The following RPE65 variants were observed in gnomAD, a reference collection of about 807,000 sequenced individuals.
RPE65 encodes the protein retinoid isomerohydrolase RPE65, also known as retinoid isomerohydrolase.
In RPE65, 58 loss-of-function variants were observed where a neutral mutation model predicts 68.5. That is an observed-to-expected ratio of 0.85 (90% CI 0.69 to 1.05). The LOEUF (loss-of-function observed/expected upper bound fraction) is 1.05, where lower values mean the gene tolerates loss of function less well. Among genes scored for constraint, RPE65 ranks in the 50% least tolerant of loss-of-function variants. The pLI is 0.00. For synonymous variants in RPE65, 220 were observed against 222.2 expected (o/e 0.99, Z 0.09); for missense variants, 643 against 629.9 (o/e 1.02, Z -0.22).
At chr1:68,444,253 A>G (rs1178758271) in intron 5 of RPE65, among the ~76,000 whole-genome samples, 1 of 152,228 alleles carries the variant, frequency 6.6e-6, no homozygotes, top group Admixed American at 6.5e-5. Context: ...AGAGATGAAG[A>G]AACAATGTTT....
At chr1:68,430,023 C>T in intron 13 of RPE65, 96 bp from the exon 14 acceptor site, 2 of 1,492,460 alleles carry the variant, frequency 1.3e-6, no homozygotes, top group Non-Finnish European at 1.8e-6. Context: ...ATTACATTGA[C>T]AAATATAGAA....
At chr1:68,436,806 A>G (rs999699853) in intron 10 of RPE65, among the ~76,000 whole-genome samples, 1 of 152,114 alleles carries the variant, frequency 6.6e-6, no homozygotes, top group African/African-American at 2.4e-5. Flanking sequence ...TCAGTGAATT[A>G]TACCATCATT....
In RPE65 at chr1:68,439,059, T is replaced by G. The variant is rs61752901; in HGVS notation, c.881A>C (p.Lys294Thr). ...ATTATTGAGGTACTTTTTCCTTTTTTTGTCAGCAATATGAAGCCAAACCTT... is the reference window on the plus strand; with the variant it reads ...ATTATTGAGGTACTTTTTCCTTTTTGTGTCAGCAATATGAAGCCAAACCTT... ...TMGVWLHIAD[K>T]KRKKYLNNKY... Residue 294 changes from lysine to threonine, a missense_variant, in exon 9 of 14, where the codon AAA (lysine) becomes ACA (threonine). Lys to Thr is a moderately conservative substitution (Grantham distance 78). Transcript: ENST00000262340. 2,115 of 1,614,098 alleles carry G rather than the reference T, an allele frequency of 1.3e-3. 45 individuals are homozygous for G. In the Admixed American group the frequency reaches 0.033, roughly 25 times the overall value.
At chr1:68,446,913 C>T (rs1312910061) in intron 2 of RPE65, 53 bp from the exon 3 acceptor site, 2 of 1,611,404 alleles carry the variant, frequency 1.2e-6, no homozygotes, top group Non-Finnish European at 8.5e-7. Context: ...TTGGGCTAGG[C>T]TTGTCCTTGG....
Position 68,439,023 on chromosome 1 carries a change from G to A in RPE65, c.917C>T (p.Thr306Ile), listed in dbSNP as rs1171545533. 14 of 1,613,986 alleles carry A rather than the reference G, an allele frequency of 8.7e-6. No individual in the cohort carries two copies. The highest frequency in any genetic ancestry group is 1.7e-5 in the Admixed American group (1 of 60,004). The stretch of plus-strand genomic sequence containing the variant: ...GTGATGGAAGAGGTTGAAAGGAGAA[G>A]TTCTGTATTTATTATTGAGGTACTT... ...RKKYLNNKYRTSPFNLFHHIN... is the reference protein window; with the variant it reads ...RKKYLNNKYRISPFNLFHHIN... Residue 306 changes from threonine (T) to isoleucine (I), a missense_variant, in exon 9 of 14, where the codon ACT becomes ATT. Physicochemically the swap from Thr to Ile is moderately conservative, Grantham distance 89. Transcript: ENST00000262340.
At position 68,446,742 on chromosome 1, in the gene RPE65, G is replaced by A. The variant is rs1297442944; in HGVS notation, c.213C>T (p.Asp71=). The A allele has an allele frequency of 6.2e-7, 1 of 1,614,196 alleles. No individual in the cohort carries two copies. The highest frequency in any genetic ancestry group is 1.7e-5 in the Admixed American group (1 of 60,022). The change falls in exon 3 of 14, where the codon GAC becomes GAT. Residue 71 remains aspartate, a synonymous_variant. Coordinates refer to ENST00000262340, the MANE Select transcript of RPE65 (RefSeq NM_000329.3). ...GGTATGTGACATGTCCTTCTTTAAA[G>A]TCAAACTTGTGCAGGAGGGCTTGCC... The part of the protein sequence containing the change: ...FDGQALLHKF[D]FKEGHVTYHR...
chr1:68,443,021 T>C (rs1012109508), intron 5 of RPE65, among the ~76,000 whole-genome samples: 1 of 152,208 alleles, frequency 6.6e-6, no homozygotes, highest in Non-Finnish European at 1.5e-5. Context: ...AGCTATACTG[T>C]ATCTCTTTTG....
intron 1 of RPE65, 47 bp from the exon 2 acceptor site, chr1:68,448,753 G>T: frequency 6.5e-7 from 1 of 1,542,408 alleles, no homozygotes; most frequent in Non-Finnish European, 8.9e-7. Context: ...GATGCTCAAA[G>T]TCCGCAGAGA....
chr1:68,434,865 G>A (rs552608867), intron 10 of RPE65, among the ~76,000 whole-genome samples: 2 of 152,184 alleles, frequency 1.3e-5, no homozygotes, highest in African/African-American at 4.8e-5. Context: ...CTGGACTCAA[G>A]CAATCCTCCT....
chr1:68,432,260 C>G (rs1369669635), intron 10 of RPE65, among the ~76,000 whole-genome samples: 2 of 151,954 alleles, frequency 1.3e-5, no homozygotes, highest in African/African-American at 4.8e-5. Flanking sequence ...AGAGTGAAGT[C>G]CCTGTCCTCA....
At chr1:68,438,045 G>A (rs1645873376) in intron 10 of RPE65, 142 bp downstream of exon 10, 2 of 979,724 alleles carry the variant, frequency 2.0e-6, no homozygotes, top group East Asian at 2.6e-5. Context: ...GTAAAATGAA[G>A]GAAGTTTAAT....
intron 10 of RPE65, among the ~76,000 whole-genome samples, chr1:68,433,689 T>G (rs1036482493): frequency 6.6e-6 from 1 of 152,126 alleles, no homozygotes. Flanking sequence ...TTTGTGGTCA[T>G]GCATCTAAAA....
intron 6 of RPE65, 54 bp downstream of exon 6, chr1:68,440,799 C>T: frequency 6.9e-6 from 11 of 1,600,496 alleles, no homozygotes; most frequent in Non-Finnish European, 9.4e-6. Context: ...AATACAGTAA[C>T]TTTCTCACAA....
chr1:68,429,994 T>C (rs1645814797), intron 13 of RPE65, 67 bp from the exon 14 acceptor site: 5 of 1,585,596 alleles, frequency 3.2e-6, no homozygotes, highest in South Asian at 1.1e-5. Flanking sequence ...TTGAATGTCA[T>C]TGAAATAATA....
intron 10 of RPE65, among the ~76,000 whole-genome samples, chr1:68,436,562 G>A (rs1377993679): frequency 6.6e-6 from 1 of 151,766 alleles, no homozygotes; most frequent in African/African-American, 2.4e-5. Context: ...TCTGCCTCCT[G>A]GGTTCAAGCG....
At chr1:68,445,944 C>A (rs914916691) in intron 3 of RPE65, among the ~76,000 whole-genome samples, 3 of 151,910 alleles carry the variant, frequency 2.0e-5, no homozygotes, top group African/African-American at 7.3e-5. Context: ...TATTATCATG[C>A]AAGTTGTCCT....
chr1:68,433,729 C>T (rs1325188432), intron 10 of RPE65, among the ~76,000 whole-genome samples: 5 of 152,042 alleles, frequency 3.3e-5, no homozygotes, highest in Non-Finnish European at 7.4e-5. Flanking sequence ...TGTGTGTTGT[C>T]TGCACTTAGT....
chr1:68,445,504 TTTAA>T (rs571468020), intron 3 of RPE65, among the ~76,000 whole-genome samples: 38 of 152,034 alleles, frequency 2.5e-4, no homozygotes, highest in Admixed American at 5.2e-4. Flanking sequence ...ATTTTGTACT[TTTAA>T]TTAATTAATT....
intron 1 of RPE65, among the ~76,000 whole-genome samples, 163 bp from the exon 2 acceptor site, chr1:68,448,869 C>T (rs1232822145): frequency 1.4e-5 from 1 of 73,334 alleles, no homozygotes; most frequent in African/African-American, 6.0e-5. Context: ...GGGGGAGAAG[C>T]GAAGGTGAGG....
Sources: gnomAD v4.1 joint callset for allele counts (sites outside exome capture counted in the v4.1 genomes callset) on GRCh38, gnomAD v4.1.1 for gene constraint, MANE v1.5 for transcripts, NCBI Gene and HGNC (gene_info 2026-07-23, HGNC 2026-07-21) for gene names.